Variants in TNFRSF8 observed in about 807,000 individuals in gnomAD.
TNFRSF8 encodes tumor necrosis factor receptor superfamily member 8.
TNFRSF8 carries 26 observed loss-of-function variants against 70.8 expected under a neutral mutation model. The ratio of observed to expected loss-of-function variants is 0.37; its 90% CI spans 0.27 to 0.51. The LOEUF is 0.51. Ranked by LOEUF, TNFRSF8 falls within the 20% of genes least tolerant of loss-of-function variation. The pLI is 0.94. For synonymous variants in TNFRSF8, 356 were observed against 339.2 expected (o/e 1.05, Z -0.54); for missense variants, 720 against 807.9 (o/e 0.89, Z 1.32).
intron 4 of TNFRSF8, among the ~76,000 whole-genome samples, chr1:12,106,730 G>C (rs1641530647): frequency 6.6e-6 from 1 of 152,016 alleles, no homozygotes; most frequent in African/African-American, 2.4e-5. Flanking sequence ...CATAAGCAGG[G>C]GAGAGTGCTG....
intron 1 of TNFRSF8, among the ~76,000 whole-genome samples, chr1:12,081,737 A>G (rs980340317): frequency 1.3e-4 from 20 of 151,964 alleles, no homozygotes; most frequent in Non-Finnish European, 2.6e-4. Context: ...TGCTTCCTGA[A>G]CATGCCGGAA....
chr1:12,071,759 C>T (rs1460715741), intron 1 of TNFRSF8, among the ~76,000 whole-genome samples: 1 of 152,192 alleles, frequency 6.6e-6, no homozygotes, highest in Non-Finnish European at 1.5e-5. Flanking sequence ...AGACAGGTTT[C>T]ACCATGTTGG....
At chr1:12,096,061 A>C (rs957374561) in intron 2 of TNFRSF8, among the ~76,000 whole-genome samples, 7 of 152,236 alleles carry the variant, frequency 4.6e-5, no homozygotes, top group African/African-American at 1.7e-4. Context: ...AAACTCTCAG[A>C]GATGAGGCTT....
intron 4 of TNFRSF8, among the ~76,000 whole-genome samples, chr1:12,105,842 G>A (rs1641512399): frequency 6.6e-6 from 1 of 151,840 alleles, no homozygotes; most frequent in African/African-American, 2.4e-5. Flanking sequence ...AGGAGGCTGA[G>A]GCAGGAGAAC....
chr1:12,091,300 G>A (rs1557582824), intron 2 of TNFRSF8, among the ~76,000 whole-genome samples: 1 of 152,212 alleles, frequency 6.6e-6, no homozygotes, highest in Non-Finnish European at 1.5e-5. Flanking sequence ...CGGAAGGGAA[G>A]GCAGCTTATA....
At chr1:12,102,188 A>G (rs550546220) in intron 3 of TNFRSF8, among the ~76,000 whole-genome samples, 85 of 152,136 alleles carry the variant, frequency 5.6e-4, no homozygotes, top group African/African-American at 2.0e-3. Context: ...TGTGCACATC[A>G]TATCTCATGA....
intron 8 of TNFRSF8, among the ~76,000 whole-genome samples, chr1:12,121,185 G>C (rs374155239): frequency 3.3e-5 from 5 of 152,184 alleles, no homozygotes; most frequent in Admixed American, 1.3e-4. Context: ...ATAACACATC[G>C]CATCATCTTC....
At chr1:12,076,861 C>T (rs1005605014) in intron 1 of TNFRSF8, among the ~76,000 whole-genome samples, 5 of 152,088 alleles carry the variant, frequency 3.3e-5, no homozygotes, top group Admixed American at 6.5e-5. Context: ...CTACTGAGTT[C>T]GGCGTGTGGT....
At chr1:12,137,644 G>A (rs1398382072) in intron 13 of TNFRSF8, among the ~76,000 whole-genome samples, 3 of 151,420 alleles carry the variant, frequency 2.0e-5, no homozygotes, top group African/African-American at 7.3e-5. Flanking sequence ...GAGGTCACCG[G>A]GCTTGTCACT....
At position 12,143,743 on chromosome 1, in the gene TNFRSF8, T is replaced by G. The variant is rs1032619447; in HGVS notation, c.*1212T>G. 1.3e-5 allele frequency: 2 copies of G among 152,008 alleles called. No homozygotes were observed. Among genetic ancestry groups the G allele is most frequent in the East Asian group, 3.9e-4 (2 of 5,170 alleles). 9.4% of individuals were successfully genotyped at this position (152,008 alleles called of 1,614,324 possible). On this transcript the variant is annotated 3_prime_UTR_variant, in exon 15 of 15. Transcript: ENST00000263932. The surrounding 1 kb of genome is among the most constrained non-coding windows in gnomAD (Gnocchi z 4.1). Reference sequence around the variant, plus strand: ...GCCTTCAGACGTGTATGCAAATGAGTGATGGATAAGGATGAGTCTTGGAGT... The same window carrying G: ...GCCTTCAGACGTGTATGCAAATGAGGGATGGATAAGGATGAGTCTTGGAGT...
At chr1:12,076,536 GC>G (rs1468969134) in intron 1 of TNFRSF8, among the ~76,000 whole-genome samples, 3 of 152,146 alleles carry the variant, frequency 2.0e-5, no homozygotes, top group African/African-American at 4.8e-5. Flanking sequence ...GGGACTCCAG[GC>G]TCCACCCTCT....
At position 12,063,670 on chromosome 1, in the gene TNFRSF8, G is replaced by A; in HGVS notation, c.63+9G>A. The stretch of plus-strand genomic sequence containing the variant: ...TACGAGCCTTCCCACAGGTAAGCGG[G>A]TGACGGGCGCCTGGGGAGGTGCCGG... On this transcript the variant is annotated intron_variant, in intron 1 of 14. Coordinates refer to ENST00000263932, the MANE Select transcript of TNFRSF8 (RefSeq NM_001243.5). This position sits in a 1 kb window ranked among gnomAD's most constrained non-coding sequence, Gnocchi z 7.2. The A allele has an allele frequency of 1.6e-6, 2 of 1,270,640 alleles. No homozygotes were observed. Among genetic ancestry groups the A allele is most frequent in the Non-Finnish European group, 2.0e-6 (2 of 999,062 alleles). 78.7% of individuals were successfully genotyped at this position (1,270,640 alleles called of 1,614,324 possible).
intron 1 of TNFRSF8, among the ~76,000 whole-genome samples, chr1:12,075,893 G>A (rs778266726): frequency 6.6e-6 from 1 of 152,052 alleles, no homozygotes; most frequent in Non-Finnish European, 1.5e-5. Context: ...ACCCCCATCC[G>A]ACTGGAGACA....
intron 3 of TNFRSF8, among the ~76,000 whole-genome samples, chr1:12,103,781 C>G (rs1369004975): frequency 1.5e-4 from 23 of 152,222 alleles, no homozygotes; most frequent in Admixed American, 1.5e-3. Context: ...GCGTGAGCCA[C>G]TGCACCCAGC....
rs926382095 is a variant in TNFRSF8, at chr1:12,088,950, A to C, written c.151+4399A>C. ...GTGCTGGGCTCCCCTGTGCCCTCTG[A>C]CACTGTCCCAGCAGAGCCCCCTCAC... is the stretch of plus-strand genomic sequence containing the variant. On this transcript the variant is annotated intron_variant, in intron 2 of 14. Transcript: ENST00000263932. The surrounding 1 kb of genome is among the most constrained non-coding windows in gnomAD (Gnocchi z 4.0). Among the ~76,000 whole-genome samples the C allele has an allele frequency of 1.3e-5, 2 of 150,958 alleles. No homozygotes were observed. Among genetic ancestry groups the C allele is most frequent in the South Asian group, 2.1e-4 (1 of 4,770 alleles).
chr1:12,138,475 G>A lies in TNFRSF8; in HGVS notation c.1543+39G>A, dbSNP rs1345736119. ...TTTTGGGAGGTCCCCTGCAGCCCAGGGGCAGATGGGAGATGAATACGGGGC... is the reference window on the plus strand; with the variant it reads ...TTTTGGGAGGTCCCCTGCAGCCCAGAGGCAGATGGGAGATGAATACGGGGC... On this transcript the variant is annotated intron_variant, in intron 14 of 14. Coordinates refer to ENST00000263932, the MANE Select transcript of TNFRSF8 (RefSeq NM_001243.5). The surrounding 1 kb of genome is among the most constrained non-coding windows in gnomAD (Gnocchi z 5.7). 1 of 1,572,868 alleles carries A rather than the reference G, an allele frequency of 6.4e-7. No individual in the cohort carries two copies. Among genetic ancestry groups the A allele is most frequent in the Non-Finnish European group, 8.7e-7 (1 of 1,155,152 alleles).
At position 12,113,563 on chromosome 1, in the gene TNFRSF8, G is replaced by A. The variant is rs1372669407; in HGVS notation, c.793+1549G>A. 6.7e-6 allele frequency among the ~76,000 whole-genome samples: 1 copy of A among 148,860 alleles called. No homozygotes were observed. The highest frequency in any genetic ancestry group is 1.5e-5 in the Non-Finnish European group (1 of 67,512). ...AGAAAGAGTGAGAGAGAGAAAGAGA[G>A]AGACAGAGAGAAAGAGACAGAATGA... On this transcript the variant is annotated intron_variant, in intron 7 of 14. Coordinates refer to ENST00000263932, the MANE Select transcript of TNFRSF8 (RefSeq NM_001243.5). The surrounding 1 kb of genome is among the most constrained non-coding windows in gnomAD (Gnocchi z 4.9).
chr1:12,104,170 C>G (rs11569848), intron 3 of TNFRSF8, among the ~76,000 whole-genome samples: 63 of 152,142 alleles, frequency 4.1e-4, no homozygotes, highest in African/African-American at 1.4e-3. Flanking sequence ...TCTAAGTTTC[C>G]TCCATGTCTT....
intron 3 of TNFRSF8, among the ~76,000 whole-genome samples, chr1:12,100,793 C>G (rs1001394007): frequency 6.6e-6 from 1 of 152,114 alleles, no homozygotes; most frequent in Non-Finnish European, 1.5e-5. Context: ...CCCATCTCTA[C>G]TAAAAATATA....
Sources: gnomAD v4.1 joint callset for allele counts (sites outside exome capture counted in the v4.1 genomes callset) on GRCh38, gnomAD v4.1.1 for gene constraint, Gnocchi (gnomAD v3.1) non-coding constraint, MANE v1.5 for transcripts, NCBI Gene and HGNC (gene_info 2026-07-23, HGNC 2026-07-21) for gene names.